Variants in MACROD2 observed in about 807,000 individuals in gnomAD.
MACROD2 encodes mono-ADP ribosylhydrolase 2.
In MACROD2, 36 loss-of-function variants were observed where a neutral mutation model predicts 70.4. The ratio of observed to expected loss-of-function variants is 0.51; its 90% CI spans 0.39 to 0.68. The LOEUF is 0.68. Ranked by LOEUF, MACROD2 falls within the 30% of genes least tolerant of loss-of-function variation. The pLI is 0.00. For missense variants in MACROD2, 496 were observed against 538.4 expected (o/e 0.92, Z 0.78); for synonymous variants, 172 against 178.8 (o/e 0.96, Z 0.30).
At chr20:14,080,786 C>A (rs1569150013) in intron 2 of MACROD2, among the ~76,000 whole-genome samples, 2 of 152,102 alleles carry the variant, frequency 1.3e-5, no homozygotes, top group Non-Finnish European at 2.9e-5. Flanking sequence ...TAGCCTACTA[C>A]AAGTTTCCAA....
chr20:15,790,009 C>A (rs932923003), intron 8 of MACROD2, among the ~76,000 whole-genome samples: 1 of 151,906 alleles, frequency 6.6e-6, no homozygotes, highest in Admixed American at 6.6e-5. Flanking sequence ...GAGAATTCTT[C>A]TGAAATTTTA....
intron 3 of MACROD2, among the ~76,000 whole-genome samples, chr20:14,294,335 A>G (rs1335313290): frequency 6.6e-6 from 1 of 150,916 alleles, no homozygotes; most frequent in Non-Finnish European, 1.5e-5. Flanking sequence ...AATAGTTTGT[A>G]GAATGATTTT....
At chr20:14,249,128 GTTTTTTTTTTT>G (rs1173672516) in intron 3 of MACROD2, among the ~76,000 whole-genome samples, 1 of 103,078 alleles carries the variant, frequency 9.7e-6, no homozygotes, top group African/African-American at 4.1e-5. Flanking sequence ...GATTTCAAAG[GTTTTTTTTTTT>G]TTTTTTTTTT....
At chr20:15,177,671 A>G (rs2076472270) in intron 5 of MACROD2, among the ~76,000 whole-genome samples, 1 of 152,250 alleles carries the variant, frequency 6.6e-6, no homozygotes, top group South Asian at 2.1e-4. Context: ...TAAATAAGTA[A>G]ATAAATGCAC....
At chr20:14,382,347 A>G (rs2122776345) in intron 3 of MACROD2, among the ~76,000 whole-genome samples, 1 of 151,722 alleles carries the variant, frequency 6.6e-6, no homozygotes, top group African/African-American at 2.4e-5. Flanking sequence ...GGCGTGAGCC[A>G]CCGTGACCAT....
At chr20:15,564,431 T>C (rs1302175660) in intron 8 of MACROD2, among the ~76,000 whole-genome samples, 1 of 152,250 alleles carries the variant, frequency 6.6e-6, no homozygotes, top group Non-Finnish European at 1.5e-5. Flanking sequence ...CTTTCCACTT[T>C]AATTTACAAG....
intron 9 of MACROD2, among the ~76,000 whole-genome samples, chr20:15,882,623 G>A (rs2064769928): frequency 6.6e-6 from 1 of 152,020 alleles, no homozygotes; most frequent in African/African-American, 2.4e-5. Context: ...GTAGTGAGGG[G>A]AAGGTCCCTC....
intron 8 of MACROD2, among the ~76,000 whole-genome samples, chr20:15,563,318 C>T (rs2048269558): frequency 6.6e-6 from 1 of 152,176 alleles, no homozygotes; most frequent in African/African-American, 2.4e-5. Context: ...TCCTAACCCT[C>T]CTCCTAAAGC....
At chr20:15,498,032 A>T (rs971909238) in intron 7 of MACROD2, among the ~76,000 whole-genome samples, 1 of 152,380 alleles carries the variant, frequency 6.6e-6, no homozygotes, top group Non-Finnish European at 1.5e-5. Flanking sequence ...GAAAACGAAT[A>T]GGATTAAACA....
chr20:14,110,921 C>T (rs1165171809), intron 3 of MACROD2, among the ~76,000 whole-genome samples: 1 of 151,940 alleles, frequency 6.6e-6, no homozygotes, highest in Non-Finnish European at 1.5e-5. Context: ...ATAGCCAAAG[C>T]TATCCTGAAC....
chr20:15,631,243 C>G (rs1049811603), intron 8 of MACROD2, among the ~76,000 whole-genome samples: 1 of 152,160 alleles, frequency 6.6e-6, no homozygotes, highest in African/African-American at 2.4e-5. Context: ...TAAATATGTT[C>G]TGATGAGGCA....
chr20:14,979,464 A>G (rs2074777136), intron 5 of MACROD2, among the ~76,000 whole-genome samples: 1 of 152,196 alleles, frequency 6.6e-6, no homozygotes, highest in South Asian at 2.1e-4. Context: ...TTATTTGTTG[A>G]CAGCAAGAGA....
intron 5 of MACROD2, among the ~76,000 whole-genome samples, chr20:14,869,178 A>T (rs383222): frequency 0.24 from 37,115 of 152,120 alleles, 5,388 homozygotes; most frequent in Non-Finnish European, 0.33. Context: ...GTATATTTAT[A>T]GTCTGAGATG....
chr20:14,995,410 T>C (rs1234963300), intron 5 of MACROD2, among the ~76,000 whole-genome samples: 2 of 151,990 alleles, frequency 1.3e-5, no homozygotes, highest in African/African-American at 4.8e-5. Context: ...GTGCGGTGGC[T>C]CACACCTGTA....
chr20:15,279,012 T>G (rs2077418835), intron 6 of MACROD2, among the ~76,000 whole-genome samples: 1 of 152,164 alleles, frequency 6.6e-6, no homozygotes, highest in Non-Finnish European at 1.5e-5. Context: ...GCATTCAAAA[T>G]AGGCAATATC....
intron 2 of MACROD2, among the ~76,000 whole-genome samples, chr20:14,016,487 C>T (rs753757521): frequency 6.6e-6 from 1 of 151,922 alleles, no homozygotes; most frequent in Non-Finnish European, 1.5e-5. Flanking sequence ...TTGTTAAATC[C>T]AATGTTTCAT....
intron 5 of MACROD2, among the ~76,000 whole-genome samples, chr20:14,899,053 A>G (rs1600790368): frequency 6.6e-6 from 1 of 152,186 alleles, no homozygotes; most frequent in African/African-American, 2.4e-5. Context: ...ACACTTAGTT[A>G]TAGTTGTTAC....
chr20:14,370,737 G>T (rs1431216281), intron 3 of MACROD2, among the ~76,000 whole-genome samples: 1 of 152,090 alleles, frequency 6.6e-6, no homozygotes, highest in Non-Finnish European at 1.5e-5. Context: ...TTTAAATGCA[G>T]GATTTTCCAT....
intron 2 of MACROD2, among the ~76,000 whole-genome samples, chr20:14,024,484 C>T (rs929582912): frequency 4.6e-5 from 7 of 152,168 alleles, no homozygotes; most frequent in African/African-American, 1.4e-4. Flanking sequence ...CAAAATGCTT[C>T]CAGCTTTTGC....
Sources: allele counts gnomAD v4.1 joint callset (sites outside exome capture counted in the v4.1 genomes callset), GRCh38; gene constraint gnomAD v4.1.1; transcripts MANE v1.5; gene names NCBI Gene and HGNC (gene_info 2026-07-23, HGNC 2026-07-21).